EXOC4: variants seen among roughly 807,000 people sequenced by gnomAD.
The protein encoded by EXOC4 is exocyst complex component 4.
Under a neutral mutation model 107.2 loss-of-function variants are expected in EXOC4, and 71 were observed. The ratio of observed to expected loss-of-function variants is 0.66; its 90% CI spans 0.55 to 0.81. The LOEUF (loss-of-function observed/expected upper bound fraction) is 0.81. Among genes scored for constraint, EXOC4 ranks in the 30% least tolerant of loss-of-function variants. The pLI, the probability that EXOC4 is intolerant of heterozygous loss-of-function variation, is 0.00. For missense variants in EXOC4, 1,108 were observed against 1,189.6 expected, an observed-to-expected ratio of 0.93 and a Z score of 1.01; for synonymous variants, 456 against 441.2, an observed-to-expected ratio of 1.03 and a Z score of -0.42.
chr7:133,448,417 C>T (rs923520959), intron 7 of EXOC4, among the ~76,000 whole-genome samples: 20 of 152,194 alleles, frequency 1.3e-4, no homozygotes, highest in Admixed American at 1.0e-3. Flanking sequence ...CTCACCTCAG[C>T]TACCTTAGCA....
intron 5 of EXOC4, among the ~76,000 whole-genome samples, chr7:133,347,277 T>C (rs977721857): frequency 1.5e-4 from 23 of 150,292 alleles, no homozygotes; most frequent in Non-Finnish European, 3.4e-4. Flanking sequence ...AGAGTTTTGC[T>C]CTCTTGCCCA....
At chr7:133,869,213 A>G (rs774705812) in intron 11 of EXOC4, among the ~76,000 whole-genome samples, 1 of 151,694 alleles carries the variant, frequency 6.6e-6, no homozygotes, top group African/African-American at 2.4e-5. Flanking sequence ...CTTCAAGAAG[A>G]CTCAAACTAG....
intron 10 of EXOC4, among the ~76,000 whole-genome samples, chr7:133,687,146 T>C (rs1445539186): frequency 6.6e-6 from 1 of 151,724 alleles, no homozygotes; most frequent in Non-Finnish European, 1.5e-5. Flanking sequence ...GTGAAGTAAC[T>C]CAGGAATGGA....
At chr7:133,934,783 T>C (rs1421530635) in intron 13 of EXOC4, among the ~76,000 whole-genome samples, 1 of 151,956 alleles carries the variant, frequency 6.6e-6, no homozygotes, top group Non-Finnish European at 1.5e-5. Context: ...TAAGGGCAGA[T>C]TAAGAAAACT....
At chr7:134,092,932 A>AAG in the EXOC4 span, among the ~76,000 whole-genome samples, 1 of 151,804 alleles carries the variant, frequency 6.6e-6, no homozygotes, top group African/African-American at 2.4e-5. Flanking sequence ...CAAAAAAAAA[A>AAG]AAAAAAGGAA....
chr7:133,633,624 C>T (rs1276853425), intron 10 of EXOC4, among the ~76,000 whole-genome samples: 1 of 152,060 alleles, frequency 6.6e-6, no homozygotes, highest in Non-Finnish European at 1.5e-5. Context: ...GAGGCTGAGG[C>T]AGGAGAATCA....
rs79832264 is a variant in EXOC4 at position 133,705,840 on chromosome 7, G to A, written c.1514+75699G>A. On this transcript the variant is annotated intron_variant, in intron 10 of 17. Transcript: ENST00000253861. Reference sequence around the variant, plus strand: ...AGATGTCATCACACTACTCAGAATGGTGTGCAATTTAAAATGCATGAGTTG... The same window carrying A: ...AGATGTCATCACACTACTCAGAATGATGTGCAATTTAAAATGCATGAGTTG... Among the ~76,000 whole-genome samples, 898 of 152,280 alleles carry A rather than the reference G, an allele frequency of 5.9e-3. 2 individuals are homozygous for A. Among genetic ancestry groups the A allele is most frequent in the African/African-American group, 0.017 (720 of 41,564 alleles).
chr7:133,723,481 T>C (rs1795149334), intron 10 of EXOC4, among the ~76,000 whole-genome samples: 1 of 66,796 alleles, frequency 1.5e-5, no homozygotes, highest in Non-Finnish European at 2.9e-5. Context: ...TCTTTTTTTT[T>C]CTTTCTTTCT....
At chr7:134,028,933 C>T (rs1795206454) in intron 17 of EXOC4, among the ~76,000 whole-genome samples, 1 of 152,224 alleles carries the variant, frequency 6.6e-6, no homozygotes. Flanking sequence ...CTCAGCTATA[C>T]TGGCAGATCT....
rs146065739 is a variant in EXOC4 at position 133,830,387 on chromosome 7, G to T, written c.1734+12843G>T. ...GGCCTGCCAGTTAATTTCTTGCCTCGTGAAGAGGAGGAGTACACTTTTCTT... is the reference window on the plus strand; with the variant it reads ...GGCCTGCCAGTTAATTTCTTGCCTCTTGAAGAGGAGGAGTACACTTTTCTT... On this transcript the variant is annotated intron_variant, in intron 11 of 17. Coordinates refer to ENST00000253861, the MANE Select transcript of EXOC4 (RefSeq NM_021807.4). 8.5e-5 allele frequency among the ~76,000 whole-genome samples: 13 copies of T among 152,318 alleles called. No homozygotes were observed. In the East Asian group the frequency reaches 2.5e-3, roughly 29 times the overall value.
At chr7:133,743,536 A>G (rs1021111584) in intron 10 of EXOC4, among the ~76,000 whole-genome samples, 1 of 152,150 alleles carries the variant, frequency 6.6e-6, no homozygotes, top group African/African-American at 2.4e-5. Flanking sequence ...AAGCACTATG[A>G]CATGTCATGT....
chr7:133,787,947 G>A (rs1796609625), intron 10 of EXOC4, among the ~76,000 whole-genome samples: 1 of 79,354 alleles, frequency 1.3e-5, no homozygotes. Flanking sequence ...TCTTCCCTGT[G>A]CATATATTTA....
chr7:133,951,080 G>A (rs990920063), intron 14 of EXOC4, among the ~76,000 whole-genome samples: 2 of 152,182 alleles, frequency 1.3e-5, no homozygotes, highest in Non-Finnish European at 2.9e-5. Context: ...TGCCACAAGC[G>A]CCACCAGCGG....
chr7:134,059,346 C>CCTCT (rs374624614), intron 17 of EXOC4, among the ~76,000 whole-genome samples: 115 of 152,216 alleles, frequency 7.6e-4, no homozygotes, highest in African/African-American at 2.7e-3. Context: ...AACTCCCTGG[C>CCTCT]CTCTTGTCTA....
At chr7:133,907,815 A>AGGAAG (rs1554418675) in intron 12 of EXOC4, among the ~76,000 whole-genome samples, 1 of 93,292 alleles carries the variant, frequency 1.1e-5, no homozygotes, top group Non-Finnish European at 2.1e-5. Flanking sequence ...GAGAGAGAAG[A>AGGAAG]AGGAGGAGGA....
intron 14 of EXOC4, among the ~76,000 whole-genome samples, chr7:133,979,021 T>G (rs1793909087): frequency 6.6e-6 from 1 of 152,208 alleles, no homozygotes. Flanking sequence ...AAGGTGAACG[T>G]ATTTCCAAGA....
At position 133,975,693 on chromosome 7, in the gene EXOC4, A is replaced by G. The variant is rs1295522298; in HGVS notation, c.2207-21799A>G. On this transcript the variant is annotated intron_variant, in intron 14 of 17. Coordinates refer to ENST00000253861, the MANE Select transcript of EXOC4 (RefSeq NM_021807.4). Reference sequence around the variant, plus strand: ...AACTATAAAATGCTAAGTAATTTTAACAAAAAATAATAGCAAACATTCAAT... The same window carrying G: ...AACTATAAAATGCTAAGTAATTTTAGCAAAAAATAATAGCAAACATTCAAT... Among the ~76,000 whole-genome samples, 4 of 152,180 alleles carry G rather than the reference A, an allele frequency of 2.6e-5. No homozygotes were observed. The East Asian group carries it at 7.7e-4, about 29-fold the overall frequency.
At chr7:133,575,382 G>A (rs1347493724) in intron 9 of EXOC4, among the ~76,000 whole-genome samples, 1 of 152,066 alleles carries the variant, frequency 6.6e-6, no homozygotes, top group East Asian at 1.9e-4. Flanking sequence ...GAGAGGTATT[G>A]GTTTGTAATT....
chr7:133,456,068 G>T (rs1215030998), intron 7 of EXOC4, among the ~76,000 whole-genome samples: 1 of 152,102 alleles, frequency 6.6e-6, no homozygotes, highest in African/African-American at 2.4e-5. Context: ...CGTGTATTCT[G>T]CTTTTATTCA....
Sources: gnomAD v4.1 joint callset for allele counts (sites outside exome capture counted in the v4.1 genomes callset) on GRCh38, gnomAD v4.1.1 for gene constraint, MANE v1.5 for transcripts, NCBI Gene and HGNC (gene_info 2026-07-23, HGNC 2026-07-21) for gene names.